The following CENPF variants were observed in gnomAD, a reference collection of about 807,000 sequenced individuals.
CENPF encodes the protein AH antigen.
CENPF carries 214 observed loss-of-function variants against 307.3 expected under a neutral mutation model. That is an observed-to-expected ratio of 0.70 (90% CI 0.62 to 0.78). The LOEUF (loss-of-function observed/expected upper bound fraction) is 0.78. CENPF is among the 30% of genes least tolerant of loss of function. The pLI is 0.00. For missense variants in CENPF, 3,401 were observed against 3,483.9 expected (o/e 0.98, Z 0.60); for synonymous variants, 1,259 against 1,270.6 (o/e 0.99, Z 0.19).
intron 2 of CENPF, 106 bp from the exon 3 acceptor site, chr1:214,614,725 GC>G: frequency 1.5e-6 from 1 of 676,386 alleles, no homozygotes; most frequent in Non-Finnish European, 2.4e-6. Context: ...GCTTATTGCA[GC>G]TGTATCTCAG....
In CENPF at chr1:214,639,943, C is replaced by T. The variant is rs746274057; in HGVS notation, c.1605C>T (p.Thr535=). ...TAGCGAAGAATACCTCTCAGGAAAC[C>T]ATGTTAAGAGATCTTCAAGAAAAAA... ...EMKAKNTSQE[T]MLRDLQEKIN... Residue 535 remains threonine (T), a synonymous_variant, in exon 12 of 20, where the codon ACC becomes ACT. Coordinates refer to ENST00000366955, the MANE Select transcript of CENPF (RefSeq NM_016343.4). 120 of 1,542,432 alleles carry T rather than the reference C, an allele frequency of 7.8e-5. No individual in the cohort carries two copies. The highest frequency in any genetic ancestry group is 5.6e-4 in the Middle Eastern group (3 of 5,352).
intron 17 of CENPF, among the ~76,000 whole-genome samples, chr1:214,656,210 AC>A (rs1478185623): frequency 6.6e-6 from 1 of 152,068 alleles, no homozygotes; most frequent in African/African-American, 2.4e-5. Flanking sequence ...ATCCACTTAT[AC>A]CCCTGGAGTG....
In CENPF at chr1:214,659,309, C is replaced by T. The variant is rs529127416; in HGVS notation, c.9141+281C>T. Among the ~76,000 whole-genome samples, 5 of 152,182 alleles carry T rather than the reference C, an allele frequency of 3.3e-5. No individual in the cohort carries two copies. Among genetic ancestry groups the T allele is most frequent in the African/African-American group, 1.2e-4 (5 of 41,524 alleles). ...AGTGGATTTCTAAGAAAGTTTCAGG[C>T]GTTACTGATGAAGGATTTGAAGAGG... On this transcript the variant is annotated intron_variant, in intron 19 of 19. Coordinates refer to ENST00000366955, the MANE Select transcript of CENPF (RefSeq NM_016343.4). The surrounding 1 kb of genome is among the most constrained non-coding windows in gnomAD (Gnocchi z 4.4).
At chr1:214,625,429 C>T (rs1447382469) in intron 7 of CENPF, among the ~76,000 whole-genome samples, 1 of 152,134 alleles carries the variant, frequency 6.6e-6, no homozygotes, top group African/African-American at 2.4e-5. Flanking sequence ...CCATGTTGGC[C>T]AGGCTGGTCT....
chr1:214,629,884 A>G (rs1392542087), intron 8 of CENPF, among the ~76,000 whole-genome samples: 1 of 152,164 alleles, frequency 6.6e-6, no homozygotes, highest in Admixed American at 6.5e-5. Flanking sequence ...GTGGGTTGGT[A>G]AATAAATTAG....
intron 7 of CENPF, among the ~76,000 whole-genome samples, chr1:214,627,123 C>T (rs992283304): frequency 6.6e-6 from 1 of 151,990 alleles, no homozygotes; most frequent in Admixed American, 6.6e-5. Flanking sequence ...GGCTGGAGTG[C>T]AGTGAAGTGA....
chr1:214,624,859 A>G (rs546549344), intron 7 of CENPF, among the ~76,000 whole-genome samples: 12 of 152,194 alleles, frequency 7.9e-5, no homozygotes, highest in Non-Finnish European at 1.3e-4. Context: ...TAGTTGTTCA[A>G]TTCATTGTTG....
chr1:214,638,025 G>T, intron 11 of CENPF, 24 bp downstream of exon 11: 1 of 1,595,054 alleles, frequency 6.3e-7, no homozygotes. Context: ...GTATTTTAGA[G>T]TTACCTTTCT....
At chr1:214,605,563 G>C (rs1656999454) in intron 1 of CENPF, 3 of 779,296 alleles carry the variant, frequency 3.8e-6, no homozygotes, top group Non-Finnish European at 6.1e-6. Context: ...CCCTGGGTTG[G>C]AGCGGGGTCC....
intron 8 of CENPF, 97 bp from the exon 9 acceptor site, chr1:214,630,437 C>G: frequency 5.5e-6 from 8 of 1,445,692 alleles, no homozygotes; most frequent in Non-Finnish European, 9.5e-7. Flanking sequence ...GTCTCCTGTG[C>G]TCTCTGTGCA....
chr1:214,633,416 G>A (rs1315908600), intron 10 of CENPF, among the ~76,000 whole-genome samples: 1 of 152,186 alleles, frequency 6.6e-6, no homozygotes, highest in African/African-American at 2.4e-5. Context: ...AATCAACATT[G>A]TAATTTTAAG....
chr1:214,619,345 G>GA, intron 5 of CENPF, 125 bp downstream of exon 5: 1 of 529,200 alleles, frequency 1.9e-6, no homozygotes, highest in Admixed American at 3.8e-5. Context: ...TGTGTGCTGA[G>GA]AAAAGGTTTT....
At chr1:214,620,061 G>C (rs1463814221) in intron 5 of CENPF, among the ~76,000 whole-genome samples, 1 of 152,136 alleles carries the variant, frequency 6.6e-6, no homozygotes, top group Non-Finnish European at 1.5e-5. Context: ...AGTGCTTGCT[G>C]TAAAAATCTA....
At chr1:214,638,931 A>ATT (rs1039376145) in intron 11 of CENPF, among the ~76,000 whole-genome samples, 1 of 152,220 alleles carries the variant, frequency 6.6e-6, no homozygotes, top group Non-Finnish European at 1.5e-5. Flanking sequence ...CAGTTGGGGC[A>ATT]TTTTTCAGTG....
At chr1:214,617,032 T>A (rs1205637283) in intron 3 of CENPF, among the ~76,000 whole-genome samples, 1 of 147,534 alleles carries the variant, frequency 6.8e-6, no homozygotes, top group Admixed American at 6.9e-5. Flanking sequence ...TTCTCTTTCT[T>A]TCTTTCTTCT....
rs146767943 is a variant in CENPF at position 214,622,146 on chromosome 1, A to G, written c.933A>G (p.Gln311=). The change falls in exon 7 of 20, where the codon CAA becomes CAG. Residue 311 remains glutamine, a synonymous_variant. Coordinates refer to ENST00000366955, the MANE Select transcript of CENPF (RefSeq NM_016343.4). ...GACATGAAAAAGAAATGAAAGGCCAAGTGAATAAGTTTCAAGAACTCCAAC... is the reference window on the plus strand; with the variant it reads ...GACATGAAAAAGAAATGAAAGGCCAGGTGAATAAGTTTCAAGAACTCCAAC... The part of the protein sequence containing the change: ...LQGHEKEMKG[Q]VNKFQELQLQ... 4 of 1,613,976 alleles carry G rather than the reference A, an allele frequency of 2.5e-6. No homozygotes were observed. The African/African-American group carries it at 5.3e-5, about 22-fold the overall frequency.
chr1:214,656,478 G>A (rs1300580076), intron 17 of CENPF, among the ~76,000 whole-genome samples: 1 of 152,052 alleles, frequency 6.6e-6, no homozygotes, highest in Non-Finnish European at 1.5e-5. Context: ...CTTTCAGAGT[G>A]TTTTTTTGGA....
At chr1:214,618,858 T>A (rs994346344) in intron 4 of CENPF, among the ~76,000 whole-genome samples, 164 bp downstream of exon 4, 3 of 152,272 alleles carry the variant, frequency 2.0e-5, no homozygotes, top group Non-Finnish European at 4.4e-5. Context: ...TTGAATTATG[T>A]TGAGCTACTG....
intron 1 of CENPF, among the ~76,000 whole-genome samples, chr1:214,609,089 C>T (rs1344333836): frequency 6.6e-6 from 1 of 151,684 alleles, no homozygotes; most frequent in African/African-American, 2.4e-5. Context: ...CACCCCGGCC[C>T]GCGCCCCTGG....
Sources: gnomAD v4.1 joint callset for allele counts (sites outside exome capture counted in the v4.1 genomes callset) on GRCh38, gnomAD v4.1.1 for gene constraint, Gnocchi (gnomAD v3.1) non-coding constraint, MANE v1.5 for transcripts, NCBI Gene and HGNC (gene_info 2026-07-23, HGNC 2026-07-21) for gene names.